The following PTPRN2 variants were observed in gnomAD, a reference collection of about 807,000 sequenced individuals.
The protein encoded by PTPRN2 is receptor-type tyrosine-protein phosphatase N2.
A neutral mutation model predicts 118.8 loss-of-function variants in PTPRN2; 74 were observed. The ratio of observed to expected loss-of-function variants is 0.62; its 90% CI spans 0.52 to 0.76. The LOEUF (loss-of-function observed/expected upper bound fraction) is 0.76. PTPRN2 is among the 30% of genes least tolerant of loss of function. The probability of loss-of-function intolerance (pLI) is 0.00; values close to 1 mark genes in which losing one functional copy is unlikely to be tolerated. For synonymous variants in PTPRN2, 641 were observed against 608.0 expected, an observed-to-expected ratio of 1.05 and a Z score of -0.80; for missense variants, 1,481 against 1,394.4, an observed-to-expected ratio of 1.06 and a Z score of -0.99.
intron 3 of PTPRN2, among the ~76,000 whole-genome samples, chr7:158,312,360 ACACACATG>A (rs368835404): frequency 0.022 from 3,206 of 148,146 alleles, 138 homozygotes; most frequent in African/African-American, 0.076. Flanking sequence ...GTGTAGACAC[ACACACATG>A]CACACATGCA....
intron 12 of PTPRN2, among the ~76,000 whole-genome samples, chr7:157,750,389 A>T (rs1416424969): frequency 6.6e-6 from 1 of 152,120 alleles, no homozygotes; most frequent in African/African-American, 2.4e-5. Flanking sequence ...GTAGAGGATG[A>T]GCTGCTACTA....
At chr7:158,342,141 C>T (rs1195367894) in intron 2 of PTPRN2, among the ~76,000 whole-genome samples, 107 of 128,968 alleles carry the variant, frequency 8.3e-4, no homozygotes, top group East Asian at 3.5e-3. Flanking sequence ...AGCTGTCGCC[C>T]GCAGAGGTCA....
chr7:157,649,082 A>T (rs368841606), intron 14 of PTPRN2, among the ~76,000 whole-genome samples: 47 of 115,576 alleles, frequency 4.1e-4, no homozygotes, highest in South Asian at 1.3e-3. Context: ...GGTCAGACCC[A>T]TTCACTGTGC....
chr7:157,853,757 A>G (rs1288025084), intron 12 of PTPRN2, among the ~76,000 whole-genome samples: 1 of 152,176 alleles, frequency 6.6e-6, no homozygotes, highest in African/African-American at 2.4e-5. Flanking sequence ...TTTGGGATGA[A>G]TTGAGTTCCC....
At chr7:157,551,240 G>T (rs1585018447) in intron 21 of PTPRN2, among the ~76,000 whole-genome samples, 1 of 152,086 alleles carries the variant, frequency 6.6e-6, no homozygotes, top group East Asian at 1.9e-4. Context: ...TGCCCATATT[G>T]TCTGTTGCAC....
At chr7:157,842,152 A>G (rs886841059) in intron 12 of PTPRN2, among the ~76,000 whole-genome samples, 6 of 152,062 alleles carry the variant, frequency 3.9e-5, no homozygotes, top group Non-Finnish European at 8.8e-5. Context: ...AACATTAGAA[A>G]CGGCATTATT....
chr7:157,922,714 T>C (rs1760853703), intron 11 of PTPRN2, among the ~76,000 whole-genome samples: 1 of 152,192 alleles, frequency 6.6e-6, no homozygotes, highest in Non-Finnish European at 1.5e-5. Context: ...GCAATCGTCT[T>C]TATTATTCAT....
chr7:158,075,034 G>A (rs965409247), intron 11 of PTPRN2, among the ~76,000 whole-genome samples: 11 of 54,370 alleles, frequency 2.0e-4, no homozygotes, highest in African/African-American at 6.0e-4. Flanking sequence ...CTACCACAGC[G>A]TTGTGTTGTC....
At position 158,525,784 on chromosome 7, in the gene PTPRN2, C is replaced by G. The variant is rs1301536491; in HGVS notation, c.113-35999G>C. Among the ~76,000 whole-genome samples the G allele has an allele frequency of 6.6e-6, 1 of 152,194 alleles. No individual in the cohort carries two copies. The highest frequency in any genetic ancestry group is 1.5e-5 in the Non-Finnish European group (1 of 68,036). Reference sequence around the variant, plus strand: ...CTGGTCTCTCTCCACGGCACCTGCTCCACAGCCACCTCTCTCTGCTGTGCT... The same window carrying G: ...CTGGTCTCTCTCCACGGCACCTGCTGCACAGCCACCTCTCTCTGCTGTGCT... On this transcript the variant is annotated intron_variant, in intron 1 of 22. Transcript: ENST00000389418. The surrounding 1 kb of genome is among the most constrained non-coding windows in gnomAD (Gnocchi z 4.1).
intron 2 of PTPRN2, among the ~76,000 whole-genome samples, chr7:158,345,975 A>G (rs1157044350): frequency 6.6e-6 from 1 of 151,984 alleles, no homozygotes; most frequent in South Asian, 2.1e-4. Context: ...TGATCCAGTC[A>G]CCTCCCACCA....
chr7:158,131,877 C>A (rs1181501693), intron 9 of PTPRN2, among the ~76,000 whole-genome samples: 1 of 149,104 alleles, frequency 6.7e-6, no homozygotes, highest in Non-Finnish European at 1.5e-5. Context: ...TGATACACAT[C>A]TACCTGACAT....
intron 2 of PTPRN2, among the ~76,000 whole-genome samples, chr7:158,391,351 G>C (rs966400688): frequency 1.3e-5 from 2 of 152,280 alleles, no homozygotes; most frequent in Middle Eastern, 6.8e-3. Flanking sequence ...TCCTGGCCAA[G>C]CTGCACCAGG....
chr7:158,261,664 C>G (rs981943151), intron 3 of PTPRN2, among the ~76,000 whole-genome samples: 1 of 152,124 alleles, frequency 6.6e-6, no homozygotes, highest in South Asian at 2.1e-4. Context: ...CACTCCGGGA[C>G]CGCAGGCTCC....
chr7:157,747,592 G>A (rs1175643187), intron 12 of PTPRN2, among the ~76,000 whole-genome samples: 1 of 125,378 alleles, frequency 8.0e-6, no homozygotes, highest in Non-Finnish European at 1.7e-5. Context: ...TGAGCTGTGG[G>A]GTGTCCGGGT....
At chr7:157,688,200 G>T (rs1180395802) in intron 12 of PTPRN2, among the ~76,000 whole-genome samples, 3 of 152,232 alleles carry the variant, frequency 2.0e-5, no homozygotes, top group Non-Finnish European at 4.4e-5. Context: ...TGGGCTATTT[G>T]TTGAGTTTTT....
At chr7:157,776,213 T>C (rs1405930203) in intron 12 of PTPRN2, among the ~76,000 whole-genome samples, 2 of 121,308 alleles carry the variant, frequency 1.6e-5, no homozygotes, top group African/African-American at 6.7e-5. Context: ...TCCTCCTCCA[T>C]CTCCTCCTCC....
intron 5 of PTPRN2, 107 bp downstream of exon 5, chr7:158,192,220 A>G (rs991417617): frequency 1.6e-6 from 2 of 1,263,300 alleles, no homozygotes; most frequent in African/African-American, 3.2e-5. Flanking sequence ...CTGGCCCGGG[A>G]AACAGGCGCA....
intron 5 of PTPRN2, among the ~76,000 whole-genome samples, chr7:158,183,472 A>G (rs1409742667): frequency 6.6e-6 from 1 of 152,156 alleles, no homozygotes; most frequent in Non-Finnish European, 1.5e-5. Flanking sequence ...ACTCAAGATT[A>G]GATTGCAAAT....
intron 1 of PTPRN2, among the ~76,000 whole-genome samples, chr7:158,514,255 C>G (rs1823380771): frequency 6.6e-6 from 1 of 152,296 alleles, no homozygotes; most frequent in Middle Eastern, 3.4e-3. Flanking sequence ...CCCCTGAAAA[C>G]ACAGCAGTAC....
Sources: gnomAD v4.1 joint callset for allele counts (sites outside exome capture counted in the v4.1 genomes callset) on GRCh38, gnomAD v4.1.1 for gene constraint, Gnocchi (gnomAD v3.1) non-coding constraint, MANE v1.5 for transcripts, NCBI Gene and HGNC (gene_info 2026-07-23, HGNC 2026-07-21) for gene names.